The following RFX4 variants were observed in gnomAD, a reference collection of about 807,000 sequenced individuals.
RFX4 encodes the protein regulatory factor X4.
Under a neutral mutation model 95.0 loss-of-function variants are expected in RFX4, and 10 were observed. The observed-to-expected ratio is 0.11, with a 90% CI of 0.06 to 0.18. RFX4 has a LOEUF of 0.18. RFX4 is among the 10% of genes least tolerant of loss of function. The pLI, the probability that RFX4 is intolerant of heterozygous loss-of-function variation, is 1.00. For synonymous variants in RFX4, 321 were observed against 340.7 expected, an observed-to-expected ratio of 0.94 and a Z score of 0.64; for missense variants, 640 against 922.0, an observed-to-expected ratio of 0.69 and a Z score of 3.96.
intron 13 of RFX4, among the ~76,000 whole-genome samples, chr12:106,722,233 A>G (rs141148876): frequency 1.1e-4 from 16 of 152,330 alleles, no homozygotes; most frequent in African/African-American, 3.6e-4. Flanking sequence ...AATATTTGAG[A>G]TTTCTTCATT....
intron 3 of RFX4, among the ~76,000 whole-genome samples, chr12:106,653,207 A>G (rs2137316557): frequency 6.6e-6 from 1 of 152,306 alleles, no homozygotes; most frequent in Non-Finnish European, 1.5e-5. Context: ...TTGGATGCCT[A>G]CATTCTGGTG....
chr12:106,692,437 A>G (rs2041802697), intron 7 of RFX4, among the ~76,000 whole-genome samples: 1 of 152,202 alleles, frequency 6.6e-6, no homozygotes, highest in Non-Finnish European at 1.5e-5. Flanking sequence ...GCATTTTTGT[A>G]ATTATTTTAT....
Position 106,644,032 on chromosome 12 carries a change from C to T in RFX4, c.191+4640C>T, listed in dbSNP as rs117975963. ...TATGGTTTTTAATTTAGCATTGTCTCCTTTATAAAAAGCATGCAGATGTAT... is the reference window on the plus strand; with the variant it reads ...TATGGTTTTTAATTTAGCATTGTCTTCTTTATAAAAAGCATGCAGATGTAT... On this transcript the variant is annotated intron_variant, in intron 3 of 17. Transcript: ENST00000392842. 5.3e-5 allele frequency among the ~76,000 whole-genome samples: 8 copies of T among 152,214 alleles called. No homozygotes were observed. The East Asian group carries it at 1.5e-3, about 29-fold the overall frequency.
At chr12:106,677,463 C>G (rs545695148) in intron 4 of RFX4, among the ~76,000 whole-genome samples, 2 of 152,042 alleles carry the variant, frequency 1.3e-5, no homozygotes, top group Non-Finnish European at 2.9e-5. Context: ...TCCTGAGGAG[C>G]CTGGATTTTT....
rs1246554996 is a variant in RFX4, at chr12:106,747,419, CTTAAT to C, written c.1634-15_1634-11del. 6.2e-7 allele frequency: 1 copy of C among 1,610,362 alleles called. No homozygotes were observed. Among genetic ancestry groups the C allele is most frequent in the South Asian group, 1.1e-5 (1 of 90,922 alleles). ...TGAGAACTGTTAATGATCAAGACGT[CTTAAT>C]TTGTCTCTGCAGGAGCAATGCAGTC... is the stretch of plus-strand genomic sequence containing the variant. On this transcript the variant is annotated splice_polypyrimidine_tract_variant and intron_variant, in intron 15 of 17. Coordinates refer to ENST00000392842, the MANE Select transcript of RFX4 (RefSeq NM_213594.3).
At chr12:106,676,023 A>C (rs762999116) in intron 4 of RFX4, among the ~76,000 whole-genome samples, 10 of 152,286 alleles carry the variant, frequency 6.6e-5, no homozygotes, top group Non-Finnish European at 1.2e-4. Flanking sequence ...CTATGGCAGC[A>C]CTCCAGGTGC....
intron 3 of RFX4, among the ~76,000 whole-genome samples, chr12:106,643,246 C>A (rs916456262): frequency 1.3e-5 from 2 of 152,140 alleles, no homozygotes; most frequent in Non-Finnish European, 1.5e-5. Context: ...TGCCTCAGGG[C>A]AGTCTGGGCA....
intron 2 of RFX4, among the ~76,000 whole-genome samples, chr12:106,620,632 C>T (rs923016921): frequency 3.9e-5 from 6 of 152,032 alleles, no homozygotes; most frequent in Admixed American, 6.6e-5. Context: ...CTATGTTCAG[C>T]GGTGCATGTA....
chr12:106,665,818 A>G (rs888911017), intron 4 of RFX4, among the ~76,000 whole-genome samples: 1 of 97,522 alleles, frequency 1.0e-5, no homozygotes, highest in Non-Finnish European at 2.6e-5. Context: ...AAAAAAAAAC[A>G]TGCACACATA....
At chr12:106,755,391 T>C (rs2043090823) in intron 17 of RFX4, among the ~76,000 whole-genome samples, 1 of 152,160 alleles carries the variant, frequency 6.6e-6, no homozygotes, top group Non-Finnish European at 1.5e-5. Context: ...CCACCACACC[T>C]AGACTTTTCC....
At chr12:106,641,922 A>G (rs1401450543) in intron 3 of RFX4, among the ~76,000 whole-genome samples, 2 of 150,278 alleles carry the variant, frequency 1.3e-5, no homozygotes, top group Non-Finnish European at 2.9e-5. Context: ...CAGGGGAAAA[A>G]GGGGAAATAT....
At chr12:106,715,293 A>T (rs986981922) in intron 10 of RFX4, 107 bp from the exon 11 acceptor site, 5 of 1,235,668 alleles carry the variant, frequency 4.0e-6, no homozygotes, top group Non-Finnish European at 5.5e-6. Flanking sequence ...ATTTCAGGGT[A>T]GTTTGCAAAA....
At chr12:106,583,538 G>A (rs1219433032) in intron 1 of RFX4, 175 bp downstream of exon 1, 5 of 542,096 alleles carry the variant, frequency 9.2e-6, no homozygotes, top group African/African-American at 2.0e-5. Context: ...GTAACTGGAT[G>A]CGTGGAAGTA....
intron 2 of RFX4, among the ~76,000 whole-genome samples, chr12:106,616,799 C>A (rs967296757): frequency 2.0e-5 from 3 of 152,102 alleles, no homozygotes; most frequent in African/African-American, 7.2e-5. Context: ...CTCATTCTTT[C>A]TCCCAGGCTG....
chr12:106,726,413 C>G (rs145631865), intron 13 of RFX4, among the ~76,000 whole-genome samples: 1 of 151,902 alleles, frequency 6.6e-6, no homozygotes, highest in Admixed American at 6.6e-5. Context: ...GACCTGCCCC[C>G]GCAAAATAAG....
At chr12:106,629,220 A>T (rs2040367024) in intron 2 of RFX4, among the ~76,000 whole-genome samples, 1 of 152,186 alleles carries the variant, frequency 6.6e-6, no homozygotes, top group African/African-American at 2.4e-5. Context: ...AAATACTTGC[A>T]TAGTATCCCA....
In RFX4 at chr12:106,586,894, G is replaced by A. The variant is rs934755532; in HGVS notation, c.43+3531G>A. ...CCCTGGGGAAGGAGCCACTGTCTGC[G>A]GGCTTGGGAGAGCAAGGAGCCGGAG... is the stretch of plus-strand genomic sequence containing the variant. On this transcript the variant is annotated intron_variant, in intron 1 of 17. Transcript: ENST00000392842. This position sits in a 1 kb window ranked among gnomAD's most constrained non-coding sequence, Gnocchi z 5.6. 2.0e-5 allele frequency among the ~76,000 whole-genome samples: 3 copies of A among 152,214 alleles called. No individual in the cohort carries two copies. The highest frequency in any genetic ancestry group is 4.4e-5 in the Non-Finnish European group (3 of 68,032).
At position 106,715,552 on chromosome 12, in the gene RFX4, G is replaced by A; in HGVS notation, c.1138+8G>A. The A allele has an allele frequency of 6.2e-7, 1 of 1,612,650 alleles. No homozygotes were observed. The highest frequency in any genetic ancestry group is 1.1e-5 in the South Asian group (1 of 90,900). ...GGAAACTCATCACCCAATGTAAGCTGTCCCACCAGGGATTGTTGTCCTGTT... is the reference window on the plus strand; with the variant it reads ...GGAAACTCATCACCCAATGTAAGCTATCCCACCAGGGATTGTTGTCCTGTT... On this transcript the variant is annotated splice_region_variant and intron_variant, in intron 11 of 17. Coordinates refer to ENST00000392842, the MANE Select transcript of RFX4 (RefSeq NM_213594.3).
chr12:106,657,608 G>T (rs1242529205), intron 4 of RFX4, among the ~76,000 whole-genome samples: 1 of 152,118 alleles, frequency 6.6e-6, no homozygotes, highest in Non-Finnish European at 1.5e-5. Flanking sequence ...GCTGTTAAGG[G>T]TAATGAAAGT....
Sources: allele counts gnomAD v4.1 joint callset (sites outside exome capture counted in the v4.1 genomes callset), GRCh38; gene constraint gnomAD v4.1.1; non-coding constraint Gnocchi (gnomAD v3.1); transcripts MANE v1.5; gene names NCBI Gene and HGNC (gene_info 2026-07-23, HGNC 2026-07-21).